USH2A: variants seen among roughly 807,000 people sequenced by gnomAD.
The protein encoded by USH2A is usherin, also known as Usher syndrome 2A (autosomal recessive, mild).
A neutral mutation model predicts 538.9 loss-of-function variants in USH2A; 443 were observed. The observed-to-expected ratio is 0.82, with a 90% CI of 0.76 to 0.89. USH2A has a LOEUF of 0.89. Ranked by LOEUF, USH2A falls within the 40% of genes least tolerant of loss-of-function variation. The pLI, the probability that USH2A is intolerant of heterozygous loss-of-function variation, is 0.00. For synonymous variants in USH2A, 2,413 were observed against 2,273.5 expected, an observed-to-expected ratio of 1.06 and a Z score of -1.75; for missense variants, 6,633 against 6,324.8, an observed-to-expected ratio of 1.05 and a Z score of -1.65.
chr1:216,123,573 C>T (rs1000245100), intron 21 of USH2A, among the ~76,000 whole-genome samples: 1 of 130,274 alleles, frequency 7.7e-6, no homozygotes, highest in East Asian at 4.3e-4. Context: ...TGCTCATAAG[C>T]TTTTCCCTTT....
chr1:215,639,378 A>G lies in USH2A; in HGVS notation c.14969-140T>C, dbSNP rs1273048095. On this transcript the variant is annotated intron_variant, in intron 68 of 71. Coordinates refer to ENST00000307340, the MANE Select transcript of USH2A (RefSeq NM_206933.4). ...TATGACGTTTTATATAATATTCAAA[A>G]TTACTTCTAATTTTAAAATGTTTAA... 5.2e-6 allele frequency: 4 copies of G among 775,368 alleles called. No homozygotes were observed. The African/African-American group carries it at 7.1e-5, about 14-fold the overall frequency. 48.0% of individuals were successfully genotyped at this position (775,368 alleles called of 1,614,324 possible). A position where few individuals can be genotyped will look rare whatever the true frequency, so the allele number is the denominator to read the frequency against.
intron 26 of USH2A, 63 bp from the exon 27 acceptor site, chr1:216,078,425 G>A (rs976272686): frequency 6.6e-6 from 10 of 1,506,452 alleles, no homozygotes; most frequent in Middle Eastern, 2.0e-4. Context: ...CAGTTTGGGA[G>A]AGAGCAGAAA....
At chr1:216,388,571 A>C (rs758442631) in intron 3 of USH2A, among the ~76,000 whole-genome samples, 1 of 152,246 alleles carries the variant, frequency 6.6e-6, no homozygotes, top group African/African-American at 2.4e-5. Flanking sequence ...TTGTGAACAC[A>C]GTGAACAAGA....
At chr1:216,163,648 G>A (rs111982144) in intron 21 of USH2A, among the ~76,000 whole-genome samples, 1 of 104,044 alleles carries the variant, frequency 9.6e-6, no homozygotes, top group Non-Finnish European at 2.0e-5. Context: ...TTTTATCTCA[G>A]TATAATTAGT....
At chr1:215,974,878 G>T (rs1667585770) in intron 35 of USH2A, among the ~76,000 whole-genome samples, 1 of 152,110 alleles carries the variant, frequency 6.6e-6, no homozygotes, top group Non-Finnish European at 1.5e-5. Context: ...TGGGTCAAAT[G>T]GTGGTTCTGT....
chr1:216,419,130 C>T (rs926780332), intron 2 of USH2A, among the ~76,000 whole-genome samples: 1 of 151,782 alleles, frequency 6.6e-6, no homozygotes, highest in African/African-American at 2.4e-5. Flanking sequence ...AATTGGTAGC[C>T]CTGAAGTCAG....
intron 21 of USH2A, among the ~76,000 whole-genome samples, chr1:216,128,895 C>A (rs150963844): frequency 6.4e-4 from 97 of 152,156 alleles, no homozygotes; most frequent in African/African-American, 2.3e-3. Context: ...CCGAACACTT[C>A]TTTATCCCCC....
chr1:216,054,546 T>C lies in USH2A; in HGVS notation c.6050-5899A>G, dbSNP rs1426267800. On this transcript the variant is annotated intron_variant, in intron 30 of 71. Transcript: ENST00000307340. ...TGCAGACAAGTATAAATGCTCTGCC[T>C]GGAAACCGAGCCTAAGACACAAAGC... Among the ~76,000 whole-genome samples the C allele has an allele frequency of 3.3e-5, 5 of 152,126 alleles. No individual in the cohort carries two copies. In the East Asian group the frequency reaches 9.7e-4, roughly 29 times the overall value.
At chr1:216,255,958 C>A (rs1287045863) in intron 11 of USH2A, among the ~76,000 whole-genome samples, 1 of 152,014 alleles carries the variant, frequency 6.6e-6, no homozygotes, top group Non-Finnish European at 1.5e-5. Flanking sequence ...AAAATGACTC[C>A]TTTTGCAAAA....
At chr1:216,209,273 C>T (rs1468201634) in intron 15 of USH2A, among the ~76,000 whole-genome samples, 2 of 152,164 alleles carry the variant, frequency 1.3e-5, no homozygotes, top group African/African-American at 4.8e-5. Context: ...GCTGCTTCTA[C>T]ATGGACACAG....
chr1:216,346,835 A>T (rs1346411581), intron 4 of USH2A, among the ~76,000 whole-genome samples: 1 of 151,956 alleles, frequency 6.6e-6, no homozygotes, highest in Non-Finnish European at 1.5e-5. Flanking sequence ...GAAAAATGAA[A>T]AATCTTACTG....
At chr1:216,262,771 C>T (rs565987939) in intron 11 of USH2A, among the ~76,000 whole-genome samples, 1 of 151,468 alleles carries the variant, frequency 6.6e-6, no homozygotes, top group South Asian at 2.1e-4. Context: ...CTGCAAGGCA[C>T]AATATAGAAA....
chr1:216,010,874 T>TTA (rs1571886399), intron 32 of USH2A, among the ~76,000 whole-genome samples: 1 of 149,028 alleles, frequency 6.7e-6, no homozygotes, highest in East Asian at 2.0e-4. Context: ...TCCTCTTGTA[T>TTA]CCCCCGACCT....
chr1:215,911,104 G>A (rs1665769994), intron 38 of USH2A, among the ~76,000 whole-genome samples: 3 of 151,134 alleles, frequency 2.0e-5, no homozygotes, highest in African/African-American at 7.3e-5. Flanking sequence ...ATATTTATTG[G>A]GGCACATGAG....
chr1:216,295,081 C>T (rs2037076865), intron 9 of USH2A, among the ~76,000 whole-genome samples: 1 of 151,646 alleles, frequency 6.6e-6, no homozygotes, highest in African/African-American at 2.4e-5. Context: ...TATCTTTTTA[C>T]TCATTTTAAT....
intron 35 of USH2A, among the ~76,000 whole-genome samples, chr1:215,989,826 T>C (rs1324991490): frequency 6.6e-6 from 1 of 151,966 alleles, no homozygotes; most frequent in African/African-American, 2.4e-5. Context: ...GTTTAAGATG[T>C]AACAAAAATC....
intron 40 of USH2A, among the ~76,000 whole-genome samples, chr1:215,889,904 G>A (rs11120692): frequency 0.041 from 6,165 of 152,186 alleles, 135 homozygotes; most frequent in Middle Eastern, 0.071. Context: ...CAGCCTGCGG[G>A]GGCAAAGTGT....
At chr1:216,086,597 C>T (rs2102562994) in intron 24 of USH2A, 122 bp downstream of exon 24, 1 of 831,150 alleles carries the variant, frequency 1.2e-6, no homozygotes, top group Non-Finnish European at 1.9e-6. Flanking sequence ...AAATTTTTGG[C>T]ACATTAATAT....
At chr1:215,683,666 T>A (rs1403343596) in intron 61 of USH2A, among the ~76,000 whole-genome samples, 2 of 152,190 alleles carry the variant, frequency 1.3e-5, no homozygotes, top group African/African-American at 4.8e-5. Flanking sequence ...CTAAAGACGA[T>A]TTTCCTTCCT....
Sources: allele counts gnomAD v4.1 joint callset (sites outside exome capture counted in the v4.1 genomes callset), GRCh38; gene constraint gnomAD v4.1.1; transcripts MANE v1.5; gene names NCBI Gene and HGNC (gene_info 2026-07-23, HGNC 2026-07-21).